Variants in NR5A1 observed in about 807,000 individuals in gnomAD.
NR5A1 encodes the protein steroidogenic factor 1.
A neutral mutation model predicts 42.7 loss-of-function variants in NR5A1; 6 were observed. The observed-to-expected ratio is 0.14, with a 90% confidence interval of 0.08 to 0.28. The LOEUF (loss-of-function observed/expected upper bound fraction) is 0.28. Among genes scored for constraint, NR5A1 ranks in the 10% least tolerant of loss-of-function variants. NR5A1 has a pLI of 1.00. For missense variants in NR5A1, 442 were observed against 626.4 expected (o/e 0.71, Z 3.14); for synonymous variants, 274 against 277.5 (o/e 0.99, Z 0.12).
chr9:124,492,015 C>T (rs1341077394), intron 5 of NR5A1, among the ~76,000 whole-genome samples: 2 of 152,190 alleles, frequency 1.3e-5, no homozygotes, highest in African/African-American at 2.4e-5. Context: ...AGACACCCCC[C>T]TGGGACCAGT....
intron 6 of NR5A1, among the ~76,000 whole-genome samples, chr9:124,490,170 C>T (rs1832284317): frequency 6.6e-6 from 1 of 152,242 alleles, no homozygotes; most frequent in African/African-American, 2.4e-5. Flanking sequence ...ACTCATCCTC[C>T]AAAACCCTGC....
rs1313590445 is a variant in NR5A1, at chr9:124,500,488, C to T, written c.472G>A (p.Ala158Thr). 4 of 1,602,544 alleles carry T rather than the reference C, an allele frequency of 2.5e-6. No homozygotes were observed. Among genetic ancestry groups the T allele is most frequent in the Non-Finnish European group, 2.5e-6 (3 of 1,176,712 alleles). Reference protein sequence around the residue: ...EPKGLAAGPPAGPLGDFGAPA... With the variant: ...EPKGLAAGPPTGPLGDFGAPA... ...GCCCCAAAGTCGCCCAGTGGCCCAGCAGGTGGACCGGCGGCCAGGCCCTTG... is the reference window on the plus strand; with the variant it reads ...GCCCCAAAGTCGCCCAGTGGCCCAGTAGGTGGACCGGCGGCCAGGCCCTTG... Residue 158 changes from alanine to threonine, a missense_variant, in exon 4 of 7, where the codon GCT becomes ACT. Physicochemically the swap from Ala to Thr is moderately conservative, Grantham distance 58. Transcript: ENST00000373588. This position sits in a 1 kb window ranked among gnomAD's most constrained non-coding sequence, Gnocchi z 6.9.
At chr9:124,484,319 C>T (rs1402112302) in intron 6 of NR5A1, among the ~76,000 whole-genome samples, 1 of 152,184 alleles carries the variant, frequency 6.6e-6, no homozygotes, top group Non-Finnish European at 1.5e-5. Flanking sequence ...GTGACCGCAC[C>T]CCAAGGAGTC....
chr9:124,494,940 T>G (rs1315703157), intron 4 of NR5A1, among the ~76,000 whole-genome samples: 1 of 152,184 alleles, frequency 6.6e-6, no homozygotes, highest in Non-Finnish European at 1.5e-5. Flanking sequence ...TCGTAGGAGA[T>G]AGAAGCACCC....
intron 6 of NR5A1, among the ~76,000 whole-genome samples, chr9:124,489,749 GC>G (rs1554720944): frequency 9.0e-6 from 1 of 111,302 alleles, no homozygotes; most frequent in Non-Finnish European, 1.8e-5. Context: ...GATCCTACCC[GC>G]CCCCCACCCC....
rs1335562730 is a variant in NR5A1, at chr9:124,500,951, C to T, written c.245-236G>A. ...CCTTCCACTCCACCGAACTCACCTC[C>T]ACTCCTCTGTTTGACACATCTCCTT... On this transcript the variant is annotated intron_variant, in intron 3 of 6. Coordinates refer to ENST00000373588, the MANE Select transcript of NR5A1 (RefSeq NM_004959.5). This position sits in a 1 kb window ranked among gnomAD's most constrained non-coding sequence, Gnocchi z 6.9. 4.1e-6 allele frequency: 3 copies of T among 727,174 alleles called. No homozygotes were observed. The African/African-American group carries it at 5.2e-5, about 13-fold the overall frequency. 45.0% of individuals were successfully genotyped at this position (727,174 alleles called of 1,614,324 possible). A position where few individuals can be genotyped will look rare whatever the true frequency, so the allele number is the denominator to read the frequency against.
Position 124,482,802 on chromosome 9 carries a change from G to A in NR5A1, c.1342C>T (p.Arg448Cys). The A allele has an allele frequency of 1.2e-6, 2 of 1,608,724 alleles. No individual in the cohort carries two copies. Among genetic ancestry groups the A allele is most frequent in the South Asian group, 2.2e-5 (2 of 90,524 alleles). The change falls in exon 7 of 7, where the codon CGC becomes TGC. Residue 448 changes from arginine (R) to cysteine (C), a missense_variant. By Grantham distance (180) the Arg-to-Cys change is radical (BLOSUM62 -3). Transcript: ENST00000373588. ...YHKHLGNEMP[R>C]NNLLIEMLQA... ...AGCATTTCGATGAGCAGGTTGTTGC[G>A]GGGCATCTCGTTGCCCAGGTGCTTG...
intron 6 of NR5A1, among the ~76,000 whole-genome samples, chr9:124,488,866 C>G (rs1475910469): frequency 1.3e-5 from 2 of 152,248 alleles, no homozygotes; most frequent in Non-Finnish European, 2.9e-5. Flanking sequence ...ACACACAGCA[C>G]GAGTGCGCAC....
At chr9:124,497,981 C>G (rs1014394592) in intron 4 of NR5A1, among the ~76,000 whole-genome samples, 1 of 152,234 alleles carries the variant, frequency 6.6e-6, no homozygotes, top group Non-Finnish European at 1.5e-5. Flanking sequence ...CTGGCATTAT[C>G]TAAGTGCATG....
chr9:124,492,805 C>A (rs1832336449), intron 5 of NR5A1, among the ~76,000 whole-genome samples: 1 of 152,244 alleles, frequency 6.6e-6, no homozygotes, highest in African/African-American at 2.4e-5. Flanking sequence ...AGCTGCTCCC[C>A]AAGAGCAGGG....
intron 6 of NR5A1, among the ~76,000 whole-genome samples, chr9:124,490,114 C>T (rs1430799663): frequency 6.6e-6 from 1 of 152,160 alleles, no homozygotes; most frequent in Non-Finnish European, 1.5e-5. Context: ...TCTATCCCAT[C>T]CCACCTGCAT....
rs759267354 is a variant in NR5A1, at chr9:124,500,298, G to T, written c.662C>A (p.Pro221His). The change falls in exon 4 of 7, where the codon CCC (proline) becomes CAC (histidine). Residue 221 changes from proline to histidine, a missense_variant. Coordinates refer to ENST00000373588, the MANE Select transcript of NR5A1 (RefSeq NM_004959.5). The surrounding 1 kb of genome is among the most constrained non-coding windows in gnomAD (Gnocchi z 6.9). ...CTGCAGGATGAGCTCAGGCACGTTGGGCCCTCCAGAGAAGGGCTCTGGGTA... is the reference window on the plus strand; with the variant it reads ...CTGCAGGATGAGCTCAGGCACGTTGTGCCCTCCAGAGAAGGGCTCTGGGTA... ...YGYPEPFSGG[P>H]NVPELILQLL... The T allele has an allele frequency of 1.3e-6, 2 of 1,565,760 alleles. No homozygotes were observed. Among genetic ancestry groups the T allele is most frequent in the Non-Finnish European group, 1.7e-6 (2 of 1,155,610 alleles).
At chr9:124,486,114 G>C (rs1171701534) in intron 6 of NR5A1, among the ~76,000 whole-genome samples, 1 of 152,158 alleles carries the variant, frequency 6.6e-6, no homozygotes, top group Non-Finnish European at 1.5e-5. Flanking sequence ...GGGTGCGGGG[G>C]TGGGTGCAGA....
At chr9:124,489,733 G>C (rs1027776022) in intron 6 of NR5A1, among the ~76,000 whole-genome samples, 1 of 151,962 alleles carries the variant, frequency 6.6e-6, no homozygotes, top group African/African-American at 2.4e-5. Flanking sequence ...CTAACTGGCT[G>C]CCCAAGATCC....
At chr9:124,492,978 T>A (rs892800744) in intron 5 of NR5A1, 52 bp downstream of exon 5, 3 of 1,513,440 alleles carry the variant, frequency 2.0e-6, no homozygotes, top group Admixed American at 2.0e-5. Context: ...ATCCTGGAAG[T>A]GCACAGCGGG....
At chr9:124,495,148 C>T (rs1832371398) in intron 4 of NR5A1, among the ~76,000 whole-genome samples, 1 of 152,216 alleles carries the variant, frequency 6.6e-6, no homozygotes, top group African/African-American at 2.4e-5. Context: ...CCTCCAGCTC[C>T]CAGCAAAGCT....
intron 1 of NR5A1, among the ~76,000 whole-genome samples, chr9:124,505,211 G>A (rs891170433): frequency 6.6e-6 from 1 of 152,236 alleles, no homozygotes; most frequent in Non-Finnish European, 1.5e-5. Flanking sequence ...CGCGATCTGG[G>A]CAGGTATAGG....
rs1460506177 is a variant in NR5A1 at position 124,500,508 on chromosome 9, C to A, written c.452G>T (p.Gly151Val). 5 of 1,605,626 alleles carry A rather than the reference C, an allele frequency of 3.1e-6. No homozygotes were observed. In the Admixed American group the frequency reaches 8.4e-5, roughly 27 times the overall value. Residue 151 changes from glycine to valine, a missense_variant, in exon 4 of 7, where the codon GGC becomes GTC. This residue lies in a region of NR5A1 where 208 missense variants were observed against 203.8 expected (regional missense o/e 1.02). Coordinates refer to ENST00000373588, the MANE Select transcript of NR5A1 (RefSeq NM_004959.5). The surrounding 1 kb of genome is among the most constrained non-coding windows in gnomAD (Gnocchi z 6.9). The stretch of plus-strand genomic sequence containing the variant: ...CCCAGCAGGTGGACCGGCGGCCAGG[C>A]CCTTGGGCTCAGGCCCATGCAGGCT... ...PPSLHGPEPKGLAAGPPAGPL... is the reference protein window; with the variant it reads ...PPSLHGPEPKVLAAGPPAGPL...
intron 6 of NR5A1, among the ~76,000 whole-genome samples, chr9:124,488,841 C>T (rs1428847498): frequency 6.6e-6 from 1 of 152,256 alleles, no homozygotes; most frequent in Non-Finnish European, 1.5e-5. Context: ...CGCTGTGCCA[C>T]CTTGCTTCTG....
Sources: gnomAD v4.1 joint callset for allele counts (sites outside exome capture counted in the v4.1 genomes callset) on GRCh38, gnomAD v4.1.1 for gene constraint, gnomAD v4.1.1 regional missense constraint, Gnocchi (gnomAD v3.1) non-coding constraint, MANE v1.5 for transcripts, NCBI Gene and HGNC (gene_info 2026-07-23, HGNC 2026-07-21) for gene names.